Variants in ROBO2 observed in about 807,000 individuals in gnomAD.
ROBO2 encodes roundabout guidance receptor 2.
Under a neutral mutation model 160.8 loss-of-function variants are expected in ROBO2, and 53 were observed. The observed-to-expected ratio is 0.33, with a 90% CI of 0.26 to 0.41. ROBO2 has a LOEUF of 0.41. Ranked by LOEUF, ROBO2 falls within the 10% of genes least tolerant of loss-of-function variation. The pLI, the probability that ROBO2 is intolerant of heterozygous loss-of-function variation, is 1.00. For synonymous variants in ROBO2, 664 were observed against 611.7 expected (o/e 1.09, Z -1.26); for missense variants, 1,577 against 1,722.4 (o/e 0.92, Z 1.49).
intron 2 of ROBO2, among the ~76,000 whole-genome samples, chr3:77,100,219 T>G (rs1430456667): frequency 6.6e-6 from 1 of 152,038 alleles, no homozygotes. Flanking sequence ...TAAATGAGCT[T>G]TAAGAAATAC....
At chr3:76,873,197 A>C (rs1005476420) in intron 2 of ROBO2, among the ~76,000 whole-genome samples, 44 of 152,168 alleles carry the variant, frequency 2.9e-4, no homozygotes, top group Non-Finnish European at 5.9e-5. Flanking sequence ...TCAATATTTA[A>C]GCCTCTTCTA....
intron 2 of ROBO2, among the ~76,000 whole-genome samples, chr3:76,959,645 C>G (rs2079511591): frequency 1.3e-5 from 2 of 152,042 alleles, no homozygotes; most frequent in Admixed American, 1.3e-4. Flanking sequence ...CGAGTGCATC[C>G]CAGCCAGTCA....
intron 2 of ROBO2, among the ~76,000 whole-genome samples, chr3:77,411,412 T>C (rs2076791816): frequency 6.6e-6 from 1 of 152,152 alleles, no homozygotes; most frequent in Non-Finnish European, 1.5e-5. Context: ...ATGTGAAAAA[T>C]GGCATTATAT....
intron 2 of ROBO2, among the ~76,000 whole-genome samples, chr3:76,492,470 G>C (rs574049824): frequency 1.5e-4 from 23 of 151,920 alleles, no homozygotes; most frequent in African/African-American, 5.5e-4. Context: ...CTTCACTTCC[G>C]GTTTCCAGGA....
intron 2 of ROBO2, among the ~76,000 whole-genome samples, chr3:76,674,598 TCACA>T (rs71104613): frequency 1.7e-3 from 256 of 148,096 alleles, no homozygotes; most frequent in African/African-American, 3.8e-3. Flanking sequence ...ACCTCCTAGT[TCACA>T]CACACACACA....
At chr3:77,113,877 A>G (rs1281300840) in intron 2 of ROBO2, among the ~76,000 whole-genome samples, 1 of 152,234 alleles carries the variant, frequency 6.6e-6, no homozygotes, top group African/African-American at 2.4e-5. Flanking sequence ...GAATCAGGTC[A>G]TGATAGAGCT....
chr3:76,718,108 G>A (rs1052079422), intron 2 of ROBO2, among the ~76,000 whole-genome samples: 2 of 152,172 alleles, frequency 1.3e-5, no homozygotes, highest in African/African-American at 2.4e-5. Context: ...GATAAACGAT[G>A]TGTATAAGTG....
intron 2 of ROBO2, among the ~76,000 whole-genome samples, chr3:76,922,799 T>C (rs1199115891): frequency 1.3e-5 from 2 of 152,190 alleles, no homozygotes; most frequent in East Asian, 1.9e-4. Context: ...AGACTTGTTG[T>C]AAAGGCCTCG....
At chr3:77,409,535 T>A (rs1159639517) in intron 2 of ROBO2, among the ~76,000 whole-genome samples, 1 of 152,084 alleles carries the variant, frequency 6.6e-6, no homozygotes, top group African/African-American at 2.4e-5. Flanking sequence ...TTTCTATTGA[T>A]CCCAGCTGGG....
chr3:75,982,287 T>G (rs1277617868), intron 2 of ROBO2, among the ~76,000 whole-genome samples: 2 of 151,548 alleles, frequency 1.3e-5, no homozygotes, highest in East Asian at 3.9e-4. Flanking sequence ...TGGTATATAC[T>G]TAGCAGTGGG....
At chr3:77,402,348 G>A (rs1262005072) in intron 2 of ROBO2, among the ~76,000 whole-genome samples, 2 of 152,062 alleles carry the variant, frequency 1.3e-5, no homozygotes, top group Non-Finnish European at 2.9e-5. Flanking sequence ...ATAGGTTGAT[G>A]GGTGCAACAA....
At chr3:77,301,996 G>T (rs1381182824) in intron 2 of ROBO2, among the ~76,000 whole-genome samples, 1 of 151,844 alleles carries the variant, frequency 6.6e-6, no homozygotes, top group African/African-American at 2.4e-5. Context: ...TTGACCTCCT[G>T]GGCTCAAGCA....
intron 2 of ROBO2, among the ~76,000 whole-genome samples, chr3:76,255,639 T>C (rs892189915): frequency 6.6e-5 from 10 of 152,036 alleles, no homozygotes; most frequent in African/African-American, 1.4e-4. Flanking sequence ...GAAGATGTAA[T>C]TGAAAATAAA....
intron 24 of ROBO2, among the ~76,000 whole-genome samples, chr3:77,641,637 C>T (rs935518223): frequency 5.9e-5 from 9 of 151,534 alleles, no homozygotes; most frequent in African/African-American, 1.9e-4. Context: ...AATATAATTA[C>T]CAATATTCTA....
intron 2 of ROBO2, among the ~76,000 whole-genome samples, chr3:77,413,485 A>C (rs1342357621): frequency 6.6e-6 from 1 of 152,108 alleles, no homozygotes; most frequent in African/African-American, 2.4e-5. Context: ...AATCCATTGA[A>C]AGGTTTGCGT....
intron 2 of ROBO2, among the ~76,000 whole-genome samples, chr3:76,981,884 A>C (rs2060117946): frequency 6.6e-6 from 1 of 152,020 alleles, no homozygotes; most frequent in Admixed American, 6.6e-5. Flanking sequence ...ACAGTTTTAA[A>C]TGACCAGCTC....
chr3:76,217,582 C>T (rs996904573), intron 2 of ROBO2, among the ~76,000 whole-genome samples: 12 of 152,048 alleles, frequency 7.9e-5, no homozygotes, highest in African/African-American at 1.4e-4. Context: ...ATAAATTCCT[C>T]GAAACATACA....
chr3:77,489,419 C>A (rs1012116155), intron 4 of ROBO2, among the ~76,000 whole-genome samples: 2 of 152,074 alleles, frequency 1.3e-5, no homozygotes, highest in Non-Finnish European at 2.9e-5. Flanking sequence ...AGTCCTGCAC[C>A]CCTGCTGAGT....
chr3:76,552,690 T>C (rs1434444643), intron 2 of ROBO2, among the ~76,000 whole-genome samples: 3 of 152,186 alleles, frequency 2.0e-5, no homozygotes, highest in East Asian at 3.9e-4. Flanking sequence ...TGTGAACCCA[T>C]GTAGAATATA....
Sources: gnomAD v4.1 joint callset for allele counts (sites outside exome capture counted in the v4.1 genomes callset) on GRCh38, gnomAD v4.1.1 for gene constraint, MANE v1.5 for transcripts, NCBI Gene and HGNC (gene_info 2026-07-23, HGNC 2026-07-21) for gene names.